CLSTN2: variants seen among roughly 807,000 people sequenced by gnomAD.
The protein encoded by CLSTN2 is calsyntenin-2.
Under a neutral mutation model 101.2 loss-of-function variants are expected in CLSTN2, and 48 were observed. The observed-to-expected ratio is 0.47, with a 90% CI of 0.38 to 0.60. The LOEUF (loss-of-function observed/expected upper bound fraction) is 0.60, where lower values mean the gene tolerates loss of function less well. Ranked by LOEUF, CLSTN2 falls within the 20% of genes least tolerant of loss-of-function variation. CLSTN2 has a pLI of 0.00. For missense variants in CLSTN2, 1,160 were observed against 1,238.2 expected, an observed-to-expected ratio of 0.94 and a Z score of 0.95; for synonymous variants, 481 against 463.6, an observed-to-expected ratio of 1.04 and a Z score of -0.48.
intron 1 of CLSTN2, among the ~76,000 whole-genome samples, chr3:140,108,852 G>A (rs2009105442): frequency 6.6e-6 from 1 of 152,224 alleles, no homozygotes; most frequent in African/African-American, 2.4e-5. Flanking sequence ...AAAGGAAAAG[G>A]ATGGAGTTAG....
chr3:140,115,052 TC>T (rs2009218430), intron 1 of CLSTN2, among the ~76,000 whole-genome samples: 1 of 152,208 alleles, frequency 6.6e-6, no homozygotes, highest in African/African-American at 2.4e-5. Flanking sequence ...ACCAACACTT[TC>T]TTGTTTCTAG....
chr3:140,498,960 G>GTTT (rs532312992), intron 8 of CLSTN2, among the ~76,000 whole-genome samples: 1 of 138,988 alleles, frequency 7.2e-6, no homozygotes, highest in African/African-American at 2.6e-5. Context: ...GCACTTGAAT[G>GTTT]TTTTTTTTTT....
intron 1 of CLSTN2, among the ~76,000 whole-genome samples, chr3:140,006,636 T>C (rs2006964765): frequency 6.6e-6 from 1 of 152,238 alleles, no homozygotes; most frequent in Non-Finnish European, 1.5e-5. Flanking sequence ...TCCTGTCTCC[T>C]GAGTTTCTGT....
chr3:140,441,755 C>T (rs780640138), intron 5 of CLSTN2, among the ~76,000 whole-genome samples: 6 of 152,172 alleles, frequency 3.9e-5, no homozygotes, highest in South Asian at 2.1e-4. Context: ...CACTCCCTTC[C>T]GCAAAGGCCT....
intron 1 of CLSTN2, among the ~76,000 whole-genome samples, chr3:140,034,490 C>A (rs989595051): frequency 7.2e-5 from 11 of 152,172 alleles, no homozygotes; most frequent in Non-Finnish European, 1.2e-4. Flanking sequence ...ACCCTGTGTT[C>A]TTTTCTTGGG....
chr3:140,569,214 T>C lies in CLSTN2; in HGVS notation c.*2961T>C, dbSNP rs1985440747. The stretch of plus-strand genomic sequence containing the variant: ...AAGAAAAAGGTGTCATTAATCAGTC[T>C]GGCATTTTCCACCCTCCATATGCTG... On this transcript the variant is annotated 3_prime_UTR_variant, in exon 17 of 17. Coordinates refer to ENST00000458420, the MANE Select transcript of CLSTN2 (RefSeq NM_022131.3). 6.6e-6 allele frequency: 1 copy of C among 152,326 alleles called. No individual in the cohort carries two copies. The highest frequency in any genetic ancestry group is 2.4e-5 in the African/African-American group (1 of 41,444). The allele number at this position is 152,326 out of a possible 1,614,324, so 9.4% of individuals were successfully genotyped here.
intron 1 of CLSTN2, among the ~76,000 whole-genome samples, chr3:139,960,178 G>A (rs1935482515): frequency 6.6e-6 from 1 of 152,214 alleles, no homozygotes; most frequent in Admixed American, 6.5e-5. Flanking sequence ...CTCCCATCAT[G>A]ACTGATTTCA....
chr3:140,305,081 T>TTCTC (rs1022977111), intron 2 of CLSTN2, among the ~76,000 whole-genome samples: 1 of 143,688 alleles, frequency 7.0e-6, no homozygotes. Context: ...CTGTCTCTCT[T>TTCTC]TCTCTCTCTC....
At chr3:140,183,501 G>A (rs144520180) in intron 2 of CLSTN2, among the ~76,000 whole-genome samples, 300 of 152,284 alleles carry the variant, frequency 2.0e-3, no homozygotes, top group African/African-American at 6.4e-3. Flanking sequence ...CTGAGTTAAT[G>A]ACAATACTCT....
chr3:140,565,752 G>T (rs971527726), intron 16 of CLSTN2, among the ~76,000 whole-genome samples: 3 of 152,320 alleles, frequency 2.0e-5, no homozygotes, highest in Non-Finnish European at 4.4e-5. Flanking sequence ...GGCCTGAAAG[G>T]TTCAGTAAAT....
At chr3:140,423,896 C>A (rs113232780) in intron 5 of CLSTN2, among the ~76,000 whole-genome samples, 2,361 of 152,262 alleles carry the variant, frequency 0.016, 56 homozygotes, top group African/African-American at 0.052. Context: ...GGGACCTGAC[C>A]CTGGCCAATG....
chr3:140,289,197 A>G (rs2086926967), intron 2 of CLSTN2, among the ~76,000 whole-genome samples: 2 of 152,164 alleles, frequency 1.3e-5, no homozygotes, highest in South Asian at 2.1e-4. Context: ...AAGCTGTGTT[A>G]TTACACCTAT....
chr3:140,392,416 T>A (rs1334341494), intron 2 of CLSTN2, among the ~76,000 whole-genome samples: 2 of 152,164 alleles, frequency 1.3e-5, no homozygotes, highest in Non-Finnish European at 2.9e-5. Flanking sequence ...TCTAGGTTTT[T>A]ATCAGAAATA....
chr3:140,052,670 C>A (rs919191228), intron 1 of CLSTN2, among the ~76,000 whole-genome samples: 2 of 152,132 alleles, frequency 1.3e-5, no homozygotes, highest in African/African-American at 4.8e-5. Context: ...TAAGAGTTGG[C>A]CTCTCTGAGC....
intron 5 of CLSTN2, among the ~76,000 whole-genome samples, chr3:140,437,455 T>C (rs2088700005): frequency 6.6e-6 from 1 of 152,216 alleles, no homozygotes; most frequent in African/African-American, 2.4e-5. Context: ...AAGAAAATAT[T>C]ATAATAACAG....
intron 2 of CLSTN2, among the ~76,000 whole-genome samples, chr3:140,261,469 C>T (rs113438071): frequency 1.2e-3 from 176 of 152,058 alleles, no homozygotes; most frequent in East Asian, 0.011. Flanking sequence ...TTTTTGGCAC[C>T]GCAAGATACT....
At chr3:139,947,668 GT>G (rs1376773393) in intron 1 of CLSTN2, among the ~76,000 whole-genome samples, 1 of 152,006 alleles carries the variant, frequency 6.6e-6, no homozygotes, top group Non-Finnish European at 1.5e-5. Context: ...ATTTATTTTT[GT>G]TGTTGTTTTT....
chr3:140,024,970 G>A (rs998702296), intron 1 of CLSTN2, among the ~76,000 whole-genome samples: 3 of 152,052 alleles, frequency 2.0e-5, no homozygotes, highest in Admixed American at 1.3e-4. Flanking sequence ...ATATACAAAG[G>A]TATTTGAACT....
intron 2 of CLSTN2, among the ~76,000 whole-genome samples, chr3:140,305,385 A>G (rs1314451249): frequency 6.6e-6 from 1 of 152,164 alleles, no homozygotes; most frequent in Non-Finnish European, 1.5e-5. Flanking sequence ...TCTTCGAAAC[A>G]CCTTAAGTTG....
Sources: allele counts gnomAD v4.1 joint callset (sites outside exome capture counted in the v4.1 genomes callset), GRCh38; gene constraint gnomAD v4.1.1; transcripts MANE v1.5; gene names NCBI Gene and HGNC (gene_info 2026-07-23, HGNC 2026-07-21).